The following TNFSF4 variants were observed in gnomAD, a reference collection of about 807,000 sequenced individuals.
The protein encoded by TNFSF4 is tumor necrosis factor ligand superfamily member 4.
Under a neutral mutation model 7.3 loss-of-function variants are expected in TNFSF4, and 4 were observed. That is an observed-to-expected ratio of 0.55 (90% CI 0.27 to 1.25). The LOEUF is 1.25. Ranked by LOEUF, TNFSF4 falls within the 50% of genes most tolerant of loss-of-function variation. The pLI, the probability that TNFSF4 is intolerant of heterozygous loss-of-function variation, is 0.12. For missense variants in TNFSF4, 181 were observed against 208.8 expected (o/e 0.87, Z 0.82); for synonymous variants, 76 against 83.7 (o/e 0.91, Z 0.50).
chr1:173,282,248 A>T, the TNFSF4 span, among the ~76,000 whole-genome samples: 1 of 152,140 alleles, frequency 6.6e-6, no homozygotes, highest in Non-Finnish European at 1.5e-5. Flanking sequence ...GGATATTCTG[A>T]TTACCCTGAT....
At chr1:173,256,690 C>A in the TNFSF4 span, among the ~76,000 whole-genome samples, 1 of 152,116 alleles carries the variant, frequency 6.6e-6, no homozygotes, top group Non-Finnish European at 1.5e-5. Context: ...AGGCTTCTAC[C>A]CATCTCTTAC....
At chr1:173,314,743 T>G in the TNFSF4 span, among the ~76,000 whole-genome samples, 1 of 152,168 alleles carries the variant, frequency 6.6e-6, no homozygotes, top group Non-Finnish European at 1.5e-5. Context: ...CCAGTATTTC[T>G]TTGCATCATG....
At chr1:173,322,556 G>A in the TNFSF4 span, among the ~76,000 whole-genome samples, 1 of 152,256 alleles carries the variant, frequency 6.6e-6, no homozygotes, top group South Asian at 2.1e-4. Flanking sequence ...ACTGGGTGCA[G>A]CACACTGTGC....
chr1:173,257,004 C>A, the TNFSF4 span, among the ~76,000 whole-genome samples: 1 of 152,210 alleles, frequency 6.6e-6, no homozygotes, highest in East Asian at 1.9e-4. Flanking sequence ...TTCTTGAATG[C>A]CTATTCCTTC....
At chr1:173,425,003 T>C in the TNFSF4 span, among the ~76,000 whole-genome samples, 11 of 152,318 alleles carry the variant, frequency 7.2e-5, no homozygotes, top group Non-Finnish European at 1.6e-4. Context: ...AAAGGAGAGG[T>C]TGAGCATTGA....
At chr1:173,173,744 G>GC in the TNFSF4 span, among the ~76,000 whole-genome samples, 1 of 152,254 alleles carries the variant, frequency 6.6e-6, no homozygotes, top group African/African-American at 2.4e-5. Context: ...TGGAGTTGAA[G>GC]CAGCTGGGAC....
At chr1:173,203,866 C>T (rs920273005) in intron 1 of TNFSF4, among the ~76,000 whole-genome samples, 12 of 152,138 alleles carry the variant, frequency 7.9e-5, no homozygotes, top group African/African-American at 2.9e-4. Flanking sequence ...TGCCTTTGTT[C>T]CATAGCTGAA....
At chr1:173,385,291 A>G in the TNFSF4 span, among the ~76,000 whole-genome samples, 1 of 152,248 alleles carries the variant, frequency 6.6e-6, no homozygotes, top group Non-Finnish European at 1.5e-5. Context: ...AATTGTTTTC[A>G]TAACAAGGGC....
the TNFSF4 span, among the ~76,000 whole-genome samples, chr1:173,378,749 C>G: frequency 6.6e-6 from 1 of 152,156 alleles, no homozygotes. Flanking sequence ...ACAGGAGGAC[C>G]TCTCAGCTTA....
the TNFSF4 span, among the ~76,000 whole-genome samples, chr1:173,429,286 C>T: frequency 6.6e-6 from 1 of 152,048 alleles, no homozygotes; most frequent in African/African-American, 2.4e-5. Context: ...AAAGACTGGC[C>T]CCCCTCTTTC....
At chr1:173,262,450 T>C in the TNFSF4 span, among the ~76,000 whole-genome samples, 3 of 152,122 alleles carry the variant, frequency 2.0e-5, no homozygotes, top group Admixed American at 6.5e-5. Context: ...TCACCACTCC[T>C]ATTCAACCTA....
chr1:173,275,348 C>A, the TNFSF4 span, among the ~76,000 whole-genome samples: 4 of 152,114 alleles, frequency 2.6e-5, no homozygotes, highest in African/African-American at 9.7e-5. Context: ...ACTATATTAT[C>A]TTTTTCAAGA....
chr1:173,327,831 G>A, the TNFSF4 span, among the ~76,000 whole-genome samples: 451 of 152,110 alleles, frequency 3.0e-3, 4 homozygotes, highest in African/African-American at 7.9e-3. Context: ...TTAGAATGGC[G>A]ATCATTAAAA....
the TNFSF4 span, chr1:173,363,427 A>G: frequency 6.6e-4 from 228 of 347,970 alleles, 1 homozygote; most frequent in South Asian, 4.1e-3. Flanking sequence ...CTCTCCATCC[A>G]GTACCTTCTT....
the TNFSF4 span, among the ~76,000 whole-genome samples, chr1:173,389,789 C>T: frequency 1.5e-3 from 224 of 152,246 alleles, 1 homozygote; most frequent in African/African-American, 5.0e-3. Flanking sequence ...CTCCATAACT[C>T]TTCCTTTGAG....
the TNFSF4 span, chr1:173,363,405 C>A: frequency 3.0e-6 from 1 of 335,960 alleles, no homozygotes; most frequent in Non-Finnish European, 6.0e-6. Flanking sequence ...TTGAATTCTC[C>A]CTTTCCCATA....
the TNFSF4 span, among the ~76,000 whole-genome samples, chr1:173,359,164 C>G: frequency 6.6e-6 from 1 of 152,230 alleles, no homozygotes; most frequent in East Asian, 1.9e-4. Context: ...TATCAATATG[C>G]CTTATCTTCT....
At chr1:173,243,776 G>A in the TNFSF4 span, among the ~76,000 whole-genome samples, 1 of 152,086 alleles carries the variant, frequency 6.6e-6, no homozygotes, top group Non-Finnish European at 1.5e-5. Context: ...ACTAAAACCT[G>A]CCCATTCTTC....
intron 1 of TNFSF4, among the ~76,000 whole-genome samples, chr1:173,197,107 C>T (rs144385068): frequency 1.3e-5 from 2 of 152,194 alleles, no homozygotes; most frequent in African/African-American, 2.4e-5. Flanking sequence ...CAACACTATA[C>T]ATTGCTCAAG....
Sources: allele counts gnomAD v4.1 joint callset (sites outside exome capture counted in the v4.1 genomes callset), GRCh38; gene constraint gnomAD v4.1.1; transcripts MANE v1.5; gene names NCBI Gene and HGNC (gene_info 2026-07-23, HGNC 2026-07-21).